The following STARD13 variants were observed in gnomAD, a reference collection of about 807,000 sequenced individuals.
STARD13 encodes StAR related lipid transfer domain containing 13.
A neutral mutation model predicts 106.4 loss-of-function variants in STARD13; 62 were observed. That is an observed-to-expected ratio of 0.58 (90% CI 0.48 to 0.72). The LOEUF is 0.72. STARD13 is among the 30% of genes least tolerant of loss of function. The pLI is 0.00. For synonymous variants in STARD13, 565 were observed against 553.0 expected (o/e 1.02, Z -0.31); for missense variants, 1,387 against 1,424.0 (o/e 0.97, Z 0.42).
chr13:33,397,977 GA>G, the STARD13 span, among the ~76,000 whole-genome samples: 4 of 152,196 alleles, frequency 2.6e-5, no homozygotes, highest in Non-Finnish European at 4.4e-5. Context: ...TTATCTTGGG[GA>G]TAAGGATTTC....
chr13:33,653,373 A>G, the STARD13 span, among the ~76,000 whole-genome samples: 1 of 152,162 alleles, frequency 6.6e-6, no homozygotes, highest in Non-Finnish European at 1.5e-5. Context: ...AAATAAACCC[A>G]TACCTCTGTG....
At chr13:33,127,265 G>A (rs1036514911) in intron 6 of STARD13, 108 bp downstream of exon 6, 13 of 1,230,270 alleles carry the variant, frequency 1.1e-5, no homozygotes, top group Non-Finnish European at 1.4e-5. Context: ...CATCAGTGAA[G>A]GCAATGAATG....
At chr13:33,423,546 A>G in the STARD13 span, among the ~76,000 whole-genome samples, 8 of 152,210 alleles carry the variant, frequency 5.3e-5, no homozygotes, top group East Asian at 1.9e-4. Context: ...CGATTCCTCA[A>G]TGATCTAGAA....
At chr13:33,404,327 C>A in the STARD13 span, among the ~76,000 whole-genome samples, 1 of 152,058 alleles carries the variant, frequency 6.6e-6, no homozygotes, top group Non-Finnish European at 1.5e-5. Flanking sequence ...AGGCAAGAAT[C>A]CAAACAGGAT....
the STARD13 span, among the ~76,000 whole-genome samples, chr13:33,495,829 T>A: frequency 6.9e-6 from 1 of 144,962 alleles, no homozygotes; most frequent in Non-Finnish European, 1.5e-5. Flanking sequence ...TAATTAATAT[T>A]ATACAATTAG....
chr13:33,168,324 G>A (rs1045724222), intron 1 of STARD13, among the ~76,000 whole-genome samples: 1 of 152,110 alleles, frequency 6.6e-6, no homozygotes, highest in South Asian at 2.1e-4. Flanking sequence ...TGAGGGCCAA[G>A]CCCAAGAGGT....
At chr13:33,496,924 G>A in the STARD13 span, among the ~76,000 whole-genome samples, 2 of 152,104 alleles carry the variant, frequency 1.3e-5, no homozygotes, top group East Asian at 3.9e-4. Flanking sequence ...CTGTTTTGTT[G>A]CAATTATCCT....
chr13:33,654,613 A>G, the STARD13 span: 1 of 152,238 alleles, frequency 6.6e-6, no homozygotes, highest in Non-Finnish European at 1.5e-5. Flanking sequence ...AGTGAATTTT[A>G]TAGAATGTGA....
At chr13:33,513,375 C>A in the STARD13 span, among the ~76,000 whole-genome samples, 5 of 152,136 alleles carry the variant, frequency 3.3e-5, no homozygotes, top group Non-Finnish European at 7.4e-5. Context: ...TTAGCTTTAT[C>A]AGCAATAAAG....
the STARD13 span, among the ~76,000 whole-genome samples, chr13:33,505,279 A>G: frequency 6.6e-6 from 1 of 152,184 alleles, no homozygotes; most frequent in Non-Finnish European, 1.5e-5. Flanking sequence ...TAAAAATTGA[A>G]GATTCATTAG....
chr13:33,401,951 A>G, the STARD13 span, among the ~76,000 whole-genome samples: 7 of 152,290 alleles, frequency 4.6e-5, no homozygotes, highest in South Asian at 1.2e-3. Flanking sequence ...TCCCATCTTT[A>G]TGACATCCCA....
the STARD13 span, among the ~76,000 whole-genome samples, chr13:33,593,671 G>A: frequency 4.6e-5 from 7 of 152,034 alleles, no homozygotes; most frequent in Admixed American, 1.3e-4. Flanking sequence ...TCCTTTGACC[G>A]GGGTATTAAA....
intron 8 of STARD13, chr13:33,117,696 A>G (rs1194993420): frequency 6.5e-6 from 6 of 924,168 alleles, no homozygotes; most frequent in Non-Finnish European, 7.7e-6. Flanking sequence ...TCCCAAAGAA[A>G]TGCTTACTTT....
chr13:33,343,577 TA>T (rs1292508834), intron 1 of STARD13, among the ~76,000 whole-genome samples: 29 of 37,104 alleles, frequency 7.8e-4, no homozygotes, highest in African/African-American at 3.2e-3. Flanking sequence ...GACCCTGTCT[TA>T]AAAAAAAAAA....
intron 3 of STARD13, among the ~76,000 whole-genome samples, chr13:33,149,725 A>G (rs1363820716): frequency 1.3e-5 from 2 of 152,232 alleles, no homozygotes; most frequent in African/African-American, 4.8e-5. Flanking sequence ...CTGTAAGAAT[A>G]CAAATTGGAT....
chr13:33,576,723 G>A, the STARD13 span, among the ~76,000 whole-genome samples: 1 of 152,098 alleles, frequency 6.6e-6, no homozygotes, highest in Non-Finnish European at 1.5e-5. Context: ...CCAAAGATAG[G>A]TGGGATAAAA....
At chr13:33,584,219 A>C in the STARD13 span, among the ~76,000 whole-genome samples, 3 of 152,222 alleles carry the variant, frequency 2.0e-5, no homozygotes, top group Admixed American at 6.5e-5. Context: ...GAGATTGGAT[A>C]ATTTATAAAT....
the STARD13 span, among the ~76,000 whole-genome samples, chr13:33,570,725 C>T: frequency 6.6e-5 from 10 of 152,132 alleles, no homozygotes; most frequent in African/African-American, 2.2e-4. Flanking sequence ...ATGCGTTTAA[C>T]GGAGGGACAG....
At chr13:33,505,190 ACATTTATTATAC>A in the STARD13 span, among the ~76,000 whole-genome samples, 2 of 152,196 alleles carry the variant, frequency 1.3e-5, no homozygotes, top group African/African-American at 4.8e-5. Context: ...ACTAAGTTTC[ACATTTATTATAC>A]CATTACACCA....
Sources: allele counts gnomAD v4.1 joint callset (sites outside exome capture counted in the v4.1 genomes callset), GRCh38; gene constraint gnomAD v4.1.1; transcripts MANE v1.5; gene names NCBI Gene and HGNC (gene_info 2026-07-23, HGNC 2026-07-21).